The following ANKFN1 variants were observed in gnomAD, a reference collection of about 807,000 sequenced individuals.
ANKFN1 encodes the protein ankyrin repeat and fibronectin type III domain containing 1, also known as ankyrin repeat and fibronectin type-III domain-containing protein 1.
A neutral mutation model predicts 108.7 loss-of-function variants in ANKFN1; 74 were observed. The ratio of observed to expected loss-of-function variants is 0.68; its 90% CI spans 0.56 to 0.83. The LOEUF is 0.83. ANKFN1 is among the 40% of genes least tolerant of loss of function. The pLI is 0.00. For synonymous variants in ANKFN1, 547 were observed against 516.2 expected (o/e 1.06, Z -0.81); for missense variants, 1,505 against 1,382.3 (o/e 1.09, Z -1.41).
At position 56,069,758 on chromosome 17, in the gene ANKFN1, G is replaced by A. The variant is rs188211444; in HGVS notation, c.288+23433G>A. On this transcript the variant is annotated intron_variant, in intron 4 of 12. Transcript: ENST00000635860. ...TCTCCCACAAGAAAAAATTCAGGGC[G>A]AGTCCATACAGTAAAGTGAAAGCAA... Among the ~76,000 whole-genome samples, 38 of 152,260 alleles carry A rather than the reference G, an allele frequency of 2.5e-4. No individual in the cohort carries two copies. In the East Asian group the frequency reaches 5.2e-3, roughly 21 times the overall value.
At chr17:56,472,387 A>G (rs1170768540) in intron 15 of ANKFN1, 1 of 152,230 alleles carries the variant, frequency 6.6e-6, no homozygotes, top group East Asian at 1.9e-4. Context: ...AAAGTGCTGT[A>G]GTTATTGAAA....
rs182620663 is a variant in ANKFN1 at position 56,315,079 on chromosome 17, A to G, written c.54-11142A>G. On this transcript the variant is annotated intron_variant, in intron 3 of 20. Coordinates refer to ENST00000682825, the MANE Select transcript of ANKFN1 (RefSeq NM_001370326.1). Reference sequence around the variant, plus strand: ...GGCTACATGTAACTCTCTTCAGCCTATTTGTTTTTAATTCAATCAGTTAAA... The same window carrying G: ...GGCTACATGTAACTCTCTTCAGCCTGTTTGTTTTTAATTCAATCAGTTAAA... 1.7e-3 allele frequency among the ~76,000 whole-genome samples: 257 copies of G among 152,154 alleles called. 2 individuals carry two copies. The highest frequency in any genetic ancestry group is 3.1e-3 in the Non-Finnish European group (211 of 67,992).
At chr17:56,333,801 A>G (rs2144581075) in intron 4 of ANKFN1, among the ~76,000 whole-genome samples, 1 of 152,230 alleles carries the variant, frequency 6.6e-6, no homozygotes. Flanking sequence ...TTTAGGATAA[A>G]GTATTAGCAT....
At chr17:56,196,533 A>C (rs569497101) in intron 1 of ANKFN1, among the ~76,000 whole-genome samples, 5 of 152,240 alleles carry the variant, frequency 3.3e-5, no homozygotes, top group African/African-American at 1.2e-4. Context: ...CAGGAATTCT[A>C]GACCAGTCTG....
intron 1 of ANKFN1, among the ~76,000 whole-genome samples, chr17:56,169,383 T>C (rs1160565153): frequency 1.3e-5 from 2 of 152,108 alleles, no homozygotes; most frequent in African/African-American, 4.8e-5. Flanking sequence ...GCAATCCTCC[T>C]ACCTCAGCTT....
intron 4 of ANKFN1, among the ~76,000 whole-genome samples, chr17:56,096,503 G>A (rs1047153258): frequency 6.6e-6 from 1 of 152,160 alleles, no homozygotes; most frequent in Non-Finnish European, 1.5e-5. Context: ...AGGGTAGTAT[G>A]TTTGGTAGTA....
chr17:56,259,878 G>A (rs2043460820), intron 3 of ANKFN1, among the ~76,000 whole-genome samples: 1 of 150,782 alleles, frequency 6.6e-6, no homozygotes, highest in African/African-American at 2.4e-5. Context: ...GGATCCAAAA[G>A]AGTTGGTATC....
At chr17:56,367,874 C>T (rs1202826839) in intron 6 of ANKFN1, among the ~76,000 whole-genome samples, 2 of 152,190 alleles carry the variant, frequency 1.3e-5, no homozygotes, top group Non-Finnish European at 2.9e-5. Context: ...TCACCAATTT[C>T]ATACCAAATA....
chr17:56,199,026 T>G (rs1913789480), intron 1 of ANKFN1, among the ~76,000 whole-genome samples: 2 of 152,224 alleles, frequency 1.3e-5, no homozygotes, highest in Admixed American at 1.3e-4. Context: ...TGGTTGAAAT[T>G]TCATTAATAC....
At chr17:56,444,645 C>T (rs995610031) in intron 10 of ANKFN1, among the ~76,000 whole-genome samples, 1 of 152,138 alleles carries the variant, frequency 6.6e-6, no homozygotes, top group Non-Finnish European at 1.5e-5. Context: ...AAGTACCTCA[C>T]ATGGATTAAC....
rs546200571 is a variant in ANKFN1, at chr17:56,397,873, C to G, written c.910+23159C>G. On this transcript the variant is annotated intron_variant, in intron 8 of 20. Coordinates refer to ENST00000682825, the MANE Select transcript of ANKFN1 (RefSeq NM_001370326.1). ...TATCTCGTCTTTAAACCTTAGTTCT[C>G]CCTGTGAAGAAATTAGGGAATAAGA... Among the ~76,000 whole-genome samples, 7 of 152,232 alleles carry G rather than the reference C, an allele frequency of 4.6e-5. No homozygotes were observed. The East Asian group carries it at 9.7e-4, about 21-fold the overall frequency.
intron 1 of ANKFN1, among the ~76,000 whole-genome samples, chr17:56,188,217 T>G (rs1912434755): frequency 6.6e-6 from 1 of 152,178 alleles, no homozygotes; most frequent in Non-Finnish European, 1.5e-5. Flanking sequence ...GCTGGTGGGT[T>G]AATTTCCCAG....
At chr17:56,294,900 G>A (rs2044463923) in intron 3 of ANKFN1, among the ~76,000 whole-genome samples, 1 of 152,206 alleles carries the variant, frequency 6.6e-6, no homozygotes, top group Non-Finnish European at 1.5e-5. Flanking sequence ...GGGCAAATAT[G>A]GGAAGCAATC....
intron 4 of ANKFN1, among the ~76,000 whole-genome samples, chr17:56,051,913 TA>T (rs1904783413): frequency 6.7e-6 from 1 of 149,368 alleles, no homozygotes; most frequent in Non-Finnish European, 1.5e-5. Flanking sequence ...CTCAAAGAAA[TA>T]AAAGAGGATA....
At chr17:56,220,177 G>T (rs9902365) in intron 2 of ANKFN1, among the ~76,000 whole-genome samples, 11 of 152,096 alleles carry the variant, frequency 7.2e-5, no homozygotes, top group African/African-American at 2.7e-4. Flanking sequence ...AAAGGGGGAG[G>T]TCATCACTTA....
chr17:56,212,482 A>G (rs1270260597), intron 1 of ANKFN1, among the ~76,000 whole-genome samples, 116 bp from the exon 2 acceptor site: 1 of 151,870 alleles, frequency 6.6e-6, no homozygotes, highest in African/African-American at 2.4e-5. Context: ...TTCAACAGGG[A>G]TATTGGTCTG....
intron 11 of ANKFN1, 126 bp downstream of exon 11, chr17:56,449,312 T>A: frequency 4.9e-6 from 3 of 617,320 alleles, no homozygotes; most frequent in Non-Finnish European, 5.4e-6. Context: ...TTTGTACATC[T>A]GGAATCACTT....
intron 8 of ANKFN1, among the ~76,000 whole-genome samples, chr17:56,379,141 A>G (rs925269576): frequency 5.9e-5 from 9 of 152,274 alleles, no homozygotes; most frequent in African/African-American, 1.7e-4. Flanking sequence ...GTTCATGCCT[A>G]TAATCCCAGC....
In ANKFN1 at chr17:56,438,397, G is replaced by A. The variant is rs2048992460; in HGVS notation, c.911-1930G>A. ...AAAGACTTTCTTCTGAAAAATGGCA[G>A]GAATTTAGAAGAGTAATATATAATT... On this transcript the variant is annotated intron_variant, in intron 8 of 20. Transcript: ENST00000682825. Among the ~76,000 whole-genome samples, 3 of 152,056 alleles carry A rather than the reference G, an allele frequency of 2.0e-5. No individual in the cohort carries two copies. The South Asian group carries it at 6.2e-4, about 32-fold the overall frequency.
Sources: gnomAD v4.1 joint callset for allele counts (sites outside exome capture counted in the v4.1 genomes callset) on GRCh38, gnomAD v4.1.1 for gene constraint, MANE v1.5 for transcripts, NCBI Gene and HGNC (gene_info 2026-07-23, HGNC 2026-07-21) for gene names.